The following ERO1B variants were observed in gnomAD, a reference collection of about 807,000 sequenced individuals.
ERO1B encodes ERO1-like protein beta.
Under a neutral mutation model 75.3 loss-of-function variants are expected in ERO1B, and 49 were observed. That is an observed-to-expected ratio of 0.65 (90% confidence interval 0.52 to 0.83). The LOEUF (loss-of-function observed/expected upper bound fraction) is 0.83. ERO1B is among the 40% of genes least tolerant of loss of function. ERO1B has a pLI of 0.00. For synonymous variants in ERO1B, 191 were observed against 192.9 expected (o/e 0.99, Z 0.08); for missense variants, 512 against 560.1 (o/e 0.91, Z 0.87).
chr1:236,255,079 C>T (rs193267507), intron 2 of ERO1B, among the ~76,000 whole-genome samples: 15 of 150,908 alleles, frequency 9.9e-5, no homozygotes, highest in African/African-American at 3.4e-4. Flanking sequence ...TACCACCACA[C>T]CTGGCTAATT....
At chr1:236,280,982 CAACA>C (rs1665816528) in intron 1 of ERO1B, among the ~76,000 whole-genome samples, 1 of 152,172 alleles carries the variant, frequency 6.6e-6, no homozygotes, top group South Asian at 2.1e-4. Flanking sequence ...CGCTTCACAT[CAACA>C]ACCAGCCAGC....
chr1:236,226,527 GA>G lies in ERO1B; in HGVS notation c.806-13del. ...CTTACCCCAGGTTTCTAAAGAGAAAGAGAAATACATTACATTGTTTTAGTAA... is the reference window on the plus strand; with the variant it reads ...CTTACCCCAGGTTTCTAAAGAGAAAGGAAATACATTACATTGTTTTAGTAA... On this transcript the variant is annotated splice_polypyrimidine_tract_variant and intron_variant, in intron 11 of 15. Coordinates refer to ENST00000354619, the MANE Select transcript of ERO1B (RefSeq NM_019891.4). 6.2e-7 allele frequency: 1 copy of G among 1,606,950 alleles called. No individual in the cohort carries two copies.
intron 2 of ERO1B, among the ~76,000 whole-genome samples, chr1:236,265,932 A>C (rs926353867): frequency 7.2e-5 from 11 of 152,176 alleles, no homozygotes; most frequent in African/African-American, 2.7e-4. Context: ...CATTAGCATA[A>C]ATACCTTATT....
At chr1:236,272,135 A>G (rs139472905) in intron 1 of ERO1B, among the ~76,000 whole-genome samples, 138 of 152,344 alleles carry the variant, frequency 9.1e-4, no homozygotes, top group African/African-American at 3.2e-3. Context: ...CACCTATGAA[A>G]AACAATATGG....
chr1:236,277,220 A>C (rs1421208277), intron 1 of ERO1B, among the ~76,000 whole-genome samples: 2 of 152,140 alleles, frequency 1.3e-5, no homozygotes, highest in Non-Finnish European at 2.9e-5. Flanking sequence ...CCTGGCCAAC[A>C]TGGCAAAACC....
intron 13 of ERO1B, among the ~76,000 whole-genome samples, chr1:236,222,876 G>C (rs1266705679): frequency 6.6e-6 from 1 of 152,150 alleles, no homozygotes; most frequent in African/African-American, 2.4e-5. Flanking sequence ...AGTTGTTATG[G>C]AGATGCTTAC....
chr1:236,236,431 T>C (rs1450554548), intron 6 of ERO1B, 33 bp from the exon 7 acceptor site: 2 of 1,609,274 alleles, frequency 1.2e-6, no homozygotes, highest in Admixed American at 3.3e-5. Context: ...AAACCATCCA[T>C]ATTTCACCAT....
At chr1:236,238,863 C>A (rs958301800) in intron 6 of ERO1B, among the ~76,000 whole-genome samples, 4 of 151,918 alleles carry the variant, frequency 2.6e-5, no homozygotes, top group Non-Finnish European at 1.5e-5. Flanking sequence ...AGAAGAAAAA[C>A]CATGATTCAG....
At chr1:236,268,876 ACT>A (rs980765093) in intron 2 of ERO1B, among the ~76,000 whole-genome samples, 4 of 152,042 alleles carry the variant, frequency 2.6e-5, no homozygotes, top group African/African-American at 9.7e-5. Context: ...ACGGAGTGAG[ACT>A]CTGTCTCGAG....
rs1663962400 is a variant in ERO1B, at chr1:236,215,955, T to C, written c.*2561A>G. ...TACAAATATCGAATAATTCACAATG[T>C]TAAAAATGTCAAAATAAAACGTTTT... is the stretch of plus-strand genomic sequence containing the variant. On this transcript the variant is annotated 3_prime_UTR_variant, in exon 16 of 16. Transcript: ENST00000354619. 1 of 139,384 alleles carries C rather than the reference T, an allele frequency of 7.2e-6. No individual in the cohort carries two copies. The highest frequency in any genetic ancestry group is 2.2e-4 in the South Asian group (1 of 4,598). 8.6% of individuals were successfully genotyped at this position (139,384 alleles called of 1,614,324 possible). A position where few individuals can be genotyped will look rare whatever the true frequency, so the allele number is the denominator to read the frequency against.
chr1:236,226,236 G>A (rs1467405846), intron 12 of ERO1B, 33 bp downstream of exon 12: 1 of 1,605,562 alleles, frequency 6.2e-7, no homozygotes, highest in Non-Finnish European at 8.5e-7. Flanking sequence ...ATACAGAGAG[G>A]AGAATTTCAA....
At chr1:236,263,146 G>C (rs573746497) in intron 2 of ERO1B, among the ~76,000 whole-genome samples, 3 of 152,204 alleles carry the variant, frequency 2.0e-5, no homozygotes, top group East Asian at 1.9e-4. Flanking sequence ...CCCTAACTAA[G>C]CTCTTGTACA....
intron 15 of ERO1B, among the ~76,000 whole-genome samples, chr1:236,219,866 A>T (rs1006137896): frequency 2.0e-4 from 31 of 152,014 alleles, no homozygotes; most frequent in African/African-American, 5.1e-4. Flanking sequence ...TACAAAAAAA[A>T]TTTTTTAATT....
chr1:236,225,914 A>G (rs1664265856), intron 12 of ERO1B, among the ~76,000 whole-genome samples: 1 of 152,212 alleles, frequency 6.6e-6, no homozygotes, highest in Non-Finnish European at 1.5e-5. Flanking sequence ...CAGCCTGGGC[A>G]ACAGAGCAAG....
chr1:236,226,409 G>A lies in ERO1B; in HGVS notation c.912C>T (p.Tyr304=), dbSNP rs752677893. Residue 304 remains tyrosine, a synonymous_variant, in exon 12 of 16, where the codon TAC becomes TAT. Coordinates refer to ENST00000354619, the MANE Select transcript of ERO1B (RefSeq NM_019891.4). The part of the protein sequence containing the change: ...GEGPRRLKNL[Y]FLYLIELRAL... The stretch of plus-strand genomic sequence containing the variant: ...CTCGAAGCTCAATCAAGTATAAAAA[G>A]TAAAGATTCTTGAGCCTTCTTGGAC... 3.1e-6 allele frequency: 5 copies of A among 1,614,112 alleles called. No individual in the cohort carries two copies. In the South Asian group the frequency reaches 5.5e-5, roughly 18 times the overall value.
chr1:236,219,750 G>T (rs1664088222), intron 15 of ERO1B, among the ~76,000 whole-genome samples: 1 of 152,142 alleles, frequency 6.6e-6, no homozygotes, highest in Non-Finnish European at 1.5e-5. Context: ...GCCAGGTACA[G>T]TGGCTCATGC....
At position 236,226,313 on chromosome 1, in the gene ERO1B, ATCT is replaced by A. The variant is rs746720344; in HGVS notation, c.1005_1007del (p.Glu335del). The A allele has an allele frequency of 7.4e-6, 12 of 1,613,930 alleles. No homozygotes were observed. Among genetic ancestry groups the A allele is most frequent in the African/African-American group, 6.7e-5 (5 of 74,930 alleles). On this transcript the variant is annotated inframe_deletion, in exon 12 of 16. Transcript: ENST00000354619. ...TCAGTAGAAGAGTTTTTGTGTCAGC[ATCT>A]TCTTCTGCATTTCCAGTGTAAAGAT...
rs1663990966 is a variant in ERO1B at position 236,216,773 on chromosome 1, CTGAG to C, written c.*1739_*1742del. Reference sequence around the variant, plus strand: ...GTGCAGATTTTTCACATCTTAAACTCTGAGTGAATACTAAGAATAATTCTTACTA... The same window carrying C: ...GTGCAGATTTTTCACATCTTAAACTCTGAATACTAAGAATAATTCTTACTA... On this transcript the variant is annotated 3_prime_UTR_variant, in exon 16 of 16. Transcript: ENST00000354619. 1.3e-5 allele frequency: 2 copies of C among 152,068 alleles called. No homozygotes were observed. Among genetic ancestry groups the C allele is most frequent in the Middle Eastern group, 3.4e-3 (1 of 294 alleles). 9.4% of individuals were successfully genotyped at this position (152,068 alleles called of 1,614,324 possible).
intron 1 of ERO1B, among the ~76,000 whole-genome samples, chr1:236,273,082 A>T (rs958853754): frequency 6.6e-6 from 1 of 152,188 alleles, no homozygotes; most frequent in Admixed American, 6.5e-5. Flanking sequence ...CAAAGATGTG[A>T]TTAATTTGAG....
Sources: allele counts gnomAD v4.1 joint callset (sites outside exome capture counted in the v4.1 genomes callset), GRCh38; gene constraint gnomAD v4.1.1; transcripts MANE v1.5; gene names NCBI Gene and HGNC (gene_info 2026-07-23, HGNC 2026-07-21).